The following CSMD3 variants were observed in gnomAD, a reference collection of about 807,000 sequenced individuals.
CSMD3 encodes the protein CUB and Sushi multiple domains 3, also known as CUB and sushi domain-containing protein 3.
Under a neutral mutation model 435.2 loss-of-function variants are expected in CSMD3, and 177 were observed. The observed-to-expected ratio is 0.41, with a 90% confidence interval of 0.36 to 0.46. The LOEUF is 0.46. CSMD3 is among the 20% of genes least tolerant of loss of function. The probability of loss-of-function intolerance (pLI) is 0.34; values close to 1 mark genes in which losing one functional copy is unlikely to be tolerated. For missense variants in CSMD3, 4,265 were observed against 4,504.6 expected (o/e 0.95, Z 1.52); for synonymous variants, 1,656 against 1,520.5 (o/e 1.09, Z -2.07).
At chr8:112,462,305 AAAC>A (rs1344058487) in intron 32 of CSMD3, among the ~76,000 whole-genome samples, 2 of 152,232 alleles carry the variant, frequency 1.3e-5, no homozygotes, top group African/African-American at 4.8e-5. Context: ...CAAAAACTAA[AAAC>A]AACCATAAAT....
At chr8:112,336,386 C>T (rs927721192) in intron 44 of CSMD3, among the ~76,000 whole-genome samples, 7 of 152,092 alleles carry the variant, frequency 4.6e-5, no homozygotes, top group African/African-American at 1.7e-4. Context: ...TGTTTTAGCA[C>T]ATTAATTTAA....
chr8:112,965,338 C>G (rs2084377736), intron 7 of CSMD3, among the ~76,000 whole-genome samples: 1 of 151,730 alleles, frequency 6.6e-6, no homozygotes, highest in African/African-American at 2.4e-5. Context: ...CTCTTTTGAT[C>G]AATTCAGTAC....
rs558968807 is a variant in CSMD3, at chr8:112,727,549, G to T, written c.1973-37499C>A. Among the ~76,000 whole-genome samples the T allele has an allele frequency of 2.0e-5, 3 of 151,688 alleles. No homozygotes were observed. In the South Asian group the frequency reaches 6.2e-4, roughly 32 times the overall value. Reference sequence around the variant, plus strand: ...ATTCTTAATGACTTCAGTTTAAATGGCATAATTTTCTTTCTCAGTTTGCAA... The same window carrying T: ...ATTCTTAATGACTTCAGTTTAAATGTCATAATTTTCTTTCTCAGTTTGCAA... On this transcript the variant is annotated intron_variant, in intron 13 of 70. Coordinates refer to ENST00000297405, the MANE Select transcript of CSMD3 (RefSeq NM_198123.2).
At chr8:112,786,374 A>C (rs1225846188) in intron 13 of CSMD3, among the ~76,000 whole-genome samples, 1 of 152,112 alleles carries the variant, frequency 6.6e-6, no homozygotes, top group African/African-American at 2.4e-5. Context: ...AACATTTCTT[A>C]TTTATTACCC....
At chr8:112,910,883 G>T (rs1380586285) in intron 10 of CSMD3, among the ~76,000 whole-genome samples, 1 of 151,754 alleles carries the variant, frequency 6.6e-6, no homozygotes, top group Non-Finnish European at 1.5e-5. Context: ...GTGGCCTCTT[G>T]GTTGTTGAAT....
intron 3 of CSMD3, among the ~76,000 whole-genome samples, chr8:113,235,219 T>C (rs1393437195): frequency 6.6e-6 from 1 of 152,176 alleles, no homozygotes; most frequent in Non-Finnish European, 1.5e-5. Context: ...GTTTCCTTCA[T>C]GAAGAAAGCT....
chr8:112,680,296 T>C (rs1352775700), intron 16 of CSMD3, among the ~76,000 whole-genome samples: 2 of 152,288 alleles, frequency 1.3e-5, no homozygotes, highest in East Asian at 3.9e-4. Context: ...CGGCGGAGGT[T>C]GCAGTCAGCA....
At chr8:113,288,863 T>C (rs952642232) in intron 2 of CSMD3, among the ~76,000 whole-genome samples, 1 of 151,864 alleles carries the variant, frequency 6.6e-6, no homozygotes, top group Non-Finnish European at 1.5e-5. Flanking sequence ...CTAGGAATTA[T>C]CCCATAGTTA....
At chr8:113,337,439 C>T (rs1463922498) in intron 1 of CSMD3, among the ~76,000 whole-genome samples, 1 of 152,012 alleles carries the variant, frequency 6.6e-6, no homozygotes, top group Non-Finnish European at 1.5e-5. Context: ...TGGATACACA[C>T]ATGCAAAAGT....
At chr8:112,376,451 C>G (rs180985816) in intron 38 of CSMD3, among the ~76,000 whole-genome samples, 1 of 152,060 alleles carries the variant, frequency 6.6e-6, no homozygotes, top group African/African-American at 2.4e-5. Context: ...AGAACCAAAA[C>G]AAGTAAAAAA....
At chr8:112,958,821 C>T (rs1449984701) in intron 7 of CSMD3, among the ~76,000 whole-genome samples, 1 of 152,016 alleles carries the variant, frequency 6.6e-6, no homozygotes, top group African/African-American at 2.4e-5. Flanking sequence ...AACTTGAGAA[C>T]ATCTGGTATT....
intron 32 of CSMD3, among the ~76,000 whole-genome samples, chr8:112,412,849 T>C (rs1426366111): frequency 6.6e-6 from 1 of 152,160 alleles, no homozygotes; most frequent in Non-Finnish European, 1.5e-5. Context: ...TTTAACTCTA[T>C]TAATTATATT....
In CSMD3 at chr8:113,059,999, T is replaced by A. The variant is rs7009610; in HGVS notation, c.917+38757A>T. 6.6e-3 allele frequency among the ~76,000 whole-genome samples: 794 copies of A among 120,016 alleles called. 4 individuals carry two copies. Among genetic ancestry groups the A allele is most frequent in the African/African-American group, 0.014 (546 of 38,038 alleles). 78.7% of individuals were successfully genotyped at this position (120,016 alleles called of 152,430 possible). ...TTGTTTTATTTTTATTTATTTATTT[T>A]TTTTTTATTATACTCTAAGTTTTAG... On this transcript the variant is annotated intron_variant, in intron 5 of 70. Transcript: ENST00000297405.
At chr8:113,153,176 A>AAGGAAGGG (rs2091864900) in intron 4 of CSMD3, among the ~76,000 whole-genome samples, 1 of 138,502 alleles carries the variant, frequency 7.2e-6, no homozygotes, top group Non-Finnish European at 1.5e-5. Context: ...GGAAGGAAAG[A>AAGGAAGGG]AGGAAGGGAG....
At chr8:112,292,432 A>T in intron 55 of CSMD3, 105 bp downstream of exon 55, 1 of 1,112,320 alleles carries the variant, frequency 9.0e-7, no homozygotes, top group South Asian at 1.3e-5. Context: ...GTTTTATTAG[A>T]TAAAAACTTT....
rs115951296 is a variant in CSMD3, at chr8:112,541,006, G to A, written c.4564+9665C>T. On this transcript the variant is annotated intron_variant, in intron 27 of 70. Transcript: ENST00000297405. ...TATTTGATAATTACATATTGTATGCGTGTATCAAAATATCCCTTGTACTCC... is the reference window on the plus strand; with the variant it reads ...TATTTGATAATTACATATTGTATGCATGTATCAAAATATCCCTTGTACTCC... Among the ~76,000 whole-genome samples, 434 of 151,914 alleles carry A rather than the reference G, an allele frequency of 2.9e-3. 5 individuals carry two copies. Among genetic ancestry groups the A allele is most frequent in the African/African-American group, 0.01 (423 of 41,478 alleles).
At chr8:113,090,473 A>G (rs1190615799) in intron 5 of CSMD3, among the ~76,000 whole-genome samples, 4 of 152,190 alleles carry the variant, frequency 2.6e-5, no homozygotes, top group Admixed American at 1.3e-4. Flanking sequence ...CTAATATTTT[A>G]GAAAATTGTA....
intron 6 of CSMD3, among the ~76,000 whole-genome samples, chr8:112,979,100 GAAGATTAAGTTGCAT>G (rs2084954106): frequency 6.6e-6 from 1 of 151,876 alleles, no homozygotes; most frequent in Non-Finnish European, 1.5e-5. Flanking sequence ...TGTGGAATCT[GAAGATTAAGTTGCAT>G]AAGTAATAAT....
At chr8:112,653,230 GT>G (rs138656626) in intron 18 of CSMD3, among the ~76,000 whole-genome samples, 15,290 of 152,032 alleles carry the variant, frequency 0.1, 880 homozygotes, top group Middle Eastern at 0.29. Flanking sequence ...TATAGAGCTT[GT>G]TTTTTTAAAA....
Sources: gnomAD v4.1 joint callset for allele counts (sites outside exome capture counted in the v4.1 genomes callset) on GRCh38, gnomAD v4.1.1 for gene constraint, MANE v1.5 for transcripts, NCBI Gene and HGNC (gene_info 2026-07-23, HGNC 2026-07-21) for gene names.